Variants in XKRX observed in about 807,000 individuals in gnomAD.
XKRX encodes the protein XK-related protein 2.
XKRX carries 11 observed loss-of-function variants against 22.4 expected under a neutral mutation model. The observed-to-expected ratio is 0.49, with a 90% CI of 0.31 to 0.81. XKRX has a LOEUF of 0.81. XKRX is among the 40% of genes least tolerant of loss of function. The pLI, the probability that XKRX is intolerant of heterozygous loss-of-function variation, is 0.05. For missense variants in XKRX, 320 were observed against 336.5 expected, an observed-to-expected ratio of 0.95 and a Z score of 0.38; for synonymous variants, 114 against 132.2, an observed-to-expected ratio of 0.86 and a Z score of 0.94.
At chrX:100,938,508 A>G in the XKRX span, among the ~76,000 whole-genome samples, 1 of 111,114 alleles carries the variant, frequency 9.0e-6, no homozygotes, top group Admixed American at 9.6e-5. Context: ...ATGCTCCTGT[A>G]ATCCCAACTA....
chrX:100,891,803 G>T, the XKRX span, among the ~76,000 whole-genome samples: 1 of 106,948 alleles, frequency 9.4e-6, no homozygotes, highest in South Asian at 4.0e-4. Flanking sequence ...AAGAAAGTAA[G>T]TTAAAAAAAT....
chrX:100,902,969 T>G, the XKRX span, among the ~76,000 whole-genome samples: 1 of 108,820 alleles, frequency 9.2e-6, no homozygotes, highest in Non-Finnish European at 1.9e-5. Context: ...CAGGATGGTC[T>G]CGATCTCCTG....
intron 2 of XKRX, among the ~76,000 whole-genome samples, chrX:100,922,578 T>A (rs1324562429): frequency 1.8e-5 from 2 of 112,614 alleles, no homozygotes; most frequent in Admixed American, 1.9e-4. Context: ...GATGGAAATG[T>A]TTATACCTGT....
At chrX:100,939,663 G>A in the XKRX span, among the ~76,000 whole-genome samples, 1 of 111,995 alleles carries the variant, frequency 8.9e-6, no homozygotes, top group Non-Finnish European at 1.9e-5. Flanking sequence ...CACCTCCAGG[G>A]TAAGTCATGG....
At chrX:100,959,305 G>A in the XKRX span, among the ~76,000 whole-genome samples, 1 of 111,235 alleles carries the variant, frequency 9.0e-6, no homozygotes, top group African/African-American at 3.3e-5. Context: ...GTATTTTATT[G>A]CCAGAAAAAA....
chrX:100,902,011 A>AC, the XKRX span, among the ~76,000 whole-genome samples: 4 of 110,810 alleles, frequency 3.6e-5, no homozygotes, highest in East Asian at 8.4e-4. Context: ...AAAAAAAAAA[A>AC]AGATATCACA....
upstream of XKRX, among the ~76,000 whole-genome samples, chrX:100,932,554 C>T (rs2085524513): frequency 1.8e-5 from 2 of 112,352 alleles, no homozygotes. Context: ...ATCTAAAAGC[C>T]ATGTGGTCTA....
At chrX:100,907,109 T>C in the XKRX span, among the ~76,000 whole-genome samples, 1 of 112,129 alleles carries the variant, frequency 8.9e-6, no homozygotes, top group East Asian at 2.8e-4. Context: ...ATTCTTCCCG[T>C]CTTACTCTTG....
intron 2 of XKRX, among the ~76,000 whole-genome samples, chrX:100,919,485 T>G (rs1024436575): frequency 2.2e-4 from 24 of 110,305 alleles, no homozygotes; most frequent in African/African-American, 8.1e-4. Context: ...AAGCAAAAAA[T>G]TATACAAATA....
chrX:100,928,271 T>C lies in XKRX; in HGVS notation c.34A>G (p.Asn12Asp). Residue 12 changes from asparagine (N) to aspartate (D), a missense_variant, in exon 1 of 3, where the codon AAT becomes GAT. Transcript: ENST00000372956. ...DRVYEIPEEP[N>D]VDPVSSLEED... ...TCCAGAGATGAAACCGGATCCACAT[T>C]TGGCTCCTCAGGAATTTCATAAACT... 8.3e-7 allele frequency: 1 copy of C among 1,211,218 alleles called. No homozygotes were observed. Among genetic ancestry groups the C allele is most frequent in the East Asian group, 3.0e-5 (1 of 33,824 alleles).
the XKRX span, among the ~76,000 whole-genome samples, chrX:100,896,683 GAC>G: frequency 9.0e-6 from 1 of 111,444 alleles, no homozygotes; most frequent in South Asian, 3.8e-4. Context: ...AAAATTAAGT[GAC>G]CAGGCACAGC....
the XKRX span, chrX:100,888,267 C>T: frequency 1.3e-6 from 1 of 751,919 alleles, no homozygotes; most frequent in Non-Finnish European, 2.0e-6. Flanking sequence ...ATGCCACCAA[C>T]AAATATCTTT....
the XKRX span, among the ~76,000 whole-genome samples, chrX:100,898,499 G>A: frequency 9.2e-6 from 1 of 108,260 alleles, no homozygotes; most frequent in East Asian, 2.9e-4. Context: ...CTTAGGACAA[G>A]CAATAGACAG....
chrX:100,892,276 AATTTAATTGT>A, the XKRX span, among the ~76,000 whole-genome samples: 2 of 112,060 alleles, frequency 1.8e-5, no homozygotes, highest in Admixed American at 1.9e-4. Flanking sequence ...AGTTAATAAT[AATTTAATTGT>A]ATAAGTAAAA....
At chrX:100,888,697 G>A in the XKRX span, 2 of 305,187 alleles carry the variant, frequency 6.6e-6, no homozygotes, top group Non-Finnish European at 1.1e-5. Context: ...TAAATAGAGT[G>A]ATCAGGGAAG....
the XKRX span, among the ~76,000 whole-genome samples, chrX:100,953,013 A>G: frequency 8.9e-6 from 1 of 112,623 alleles, no homozygotes; most frequent in Non-Finnish European, 1.9e-5. Context: ...TTGAAAATGG[A>G]CGACAGGGCT....
At chrX:100,938,127 T>C in the XKRX span, among the ~76,000 whole-genome samples, 1 of 112,013 alleles carries the variant, frequency 8.9e-6, no homozygotes, top group Non-Finnish European at 1.9e-5. Context: ...TTATTAGTAG[T>C]GTCCAGAGCA....
chrX:100,901,874 C>CT, the XKRX span, among the ~76,000 whole-genome samples: 4 of 110,653 alleles, frequency 3.6e-5, no homozygotes, highest in African/African-American at 1.3e-4. Flanking sequence ...TGGCACATGC[C>CT]TGTAATCCCA....
upstream of XKRX, among the ~76,000 whole-genome samples, chrX:100,933,478 TAAA>T (rs368739515): frequency 2.0e-5 from 1 of 50,507 alleles, no homozygotes; most frequent in African/African-American, 6.4e-5. Flanking sequence ...AGATTCCGTC[TAAA>T]AAAAAAAAAA....
Sources: gnomAD v4.1 joint callset for allele counts (sites outside exome capture counted in the v4.1 genomes callset) on GRCh38, gnomAD v4.1.1 for gene constraint, MANE v1.5 for transcripts, NCBI Gene and HGNC (gene_info 2026-07-23, HGNC 2026-07-21) for gene names.